The following ITGAE variants were observed in gnomAD, a reference collection of about 807,000 sequenced individuals.
ITGAE encodes integrin subunit alpha E.
In ITGAE, 99 loss-of-function variants were observed where a neutral mutation model predicts 136.5. The observed-to-expected ratio is 0.73, with a 90% CI of 0.62 to 0.86. The LOEUF (loss-of-function observed/expected upper bound fraction) is 0.86. ITGAE is among the 40% of genes least tolerant of loss of function. The probability of loss-of-function intolerance (pLI) is 0.00; values close to 1 mark genes in which losing one functional copy is unlikely to be tolerated. For missense variants in ITGAE, 1,447 were observed against 1,515.3 expected (o/e 0.95, Z 0.75); for synonymous variants, 613 against 591.8 (o/e 1.04, Z -0.52).
intron 26 of ITGAE, chr17:3,724,542 A>C: frequency 6.2e-7 from 1 of 1,614,026 alleles, no homozygotes; most frequent in South Asian, 1.1e-5. Context: ...AGCCGTCCCG[A>C]GCGGCCTCCA....
intron 8 of ITGAE, 136 bp from the exon 9 acceptor site, chr17:3,757,995 ATGC>A: frequency 9.9e-7 from 1 of 1,011,314 alleles, no homozygotes; most frequent in Non-Finnish European, 1.5e-6. Context: ...GAAGGGGGTG[ATGC>A]CCCCTTAAGT....
At chr17:3,720,189 C>A (rs2051020791) in intron 29 of ITGAE, 118 bp downstream of exon 29, 1 of 599,294 alleles carries the variant, frequency 1.7e-6, no homozygotes, top group Non-Finnish European at 3.0e-6. Context: ...GATGGCAGAG[C>A]CAAGATCAGA....
intron 1 of ITGAE, 100 bp downstream of exon 1, chr17:3,801,011 G>A: frequency 1.5e-6 from 2 of 1,375,810 alleles, no homozygotes; most frequent in Non-Finnish European, 2.1e-6. Flanking sequence ...GGCTCTAACT[G>A]AGCCCCATCA....
intron 1 of ITGAE, among the ~76,000 whole-genome samples, chr17:3,789,205 C>T (rs1453897768): frequency 6.6e-6 from 1 of 152,022 alleles, no homozygotes; most frequent in African/African-American, 2.4e-5. Context: ...CTTGATCACA[C>T]CACAGCACTC....
At position 3,743,520 on chromosome 17, in the gene ITGAE, T is replaced by G. The variant is rs1331382489; in HGVS notation, c.2417A>C (p.Asp806Ala). Residue 806 changes from aspartate to alanine, a missense_variant, in exon 19 of 31, where the codon GAC (aspartate) becomes GCC (alanine). By Grantham distance (126) the Asp-to-Ala change is moderately radical. Coordinates refer to ENST00000263087, the MANE Select transcript of ITGAE (RefSeq NM_002208.5). Reference sequence around the variant, plus strand: ...GATGGCAAAGGGCTCAGTGTAGCGGTCCAGGATGGGCTGGGGATGGTCCGT... The same window carrying G: ...GATGGCAAAGGGCTCAGTGTAGCGGGCCAGGATGGGCTGGGGATGGTCCGT... ...GQTDHPQPIL[D>A]RYTEPFAIFQ... The G allele has an allele frequency of 3.1e-6, 5 of 1,610,224 alleles. No individual in the cohort carries two copies. Among genetic ancestry groups the G allele is most frequent in the African/African-American group, 1.3e-5 (1 of 74,532 alleles).
chr17:3,715,059 C>T, intron 30 of ITGAE, 117 bp from the exon 31 acceptor site: 1 of 632,706 alleles, frequency 1.6e-6, no homozygotes, highest in East Asian at 2.7e-5. Context: ...CTCATACTTA[C>T]TACTCCCTTC....
intron 1 of ITGAE, among the ~76,000 whole-genome samples, chr17:3,796,002 C>CAT (rs2053073972): frequency 1.5e-5 from 1 of 65,754 alleles, no homozygotes; most frequent in African/African-American, 6.6e-5. Context: ...TGTGTGCATC[C>CAT]GTGTGTGCAT....
At chr17:3,783,551 A>T (rs2052712433) in intron 1 of ITGAE, among the ~76,000 whole-genome samples, 1 of 152,238 alleles carries the variant, frequency 6.6e-6, no homozygotes, top group Admixed American at 6.5e-5. Context: ...GTTTTTATTT[A>T]TCTAAACTTG....
At chr17:3,784,001 C>T (rs2052721933) in intron 1 of ITGAE, among the ~76,000 whole-genome samples, 1 of 152,370 alleles carries the variant, frequency 6.6e-6, no homozygotes, top group South Asian at 2.1e-4. Context: ...CGGCTCACGC[C>T]TGTAATCCCA....
At chr17:3,729,289 G>A in intron 24 of ITGAE, 189 bp downstream of exon 24, 1 of 580,294 alleles carries the variant, frequency 1.7e-6, no homozygotes, top group Non-Finnish European at 3.1e-6. Flanking sequence ...GATGACCACA[G>A]TGGGGTTTCT....
chr17:3,738,022 T>TGGTCCTGAAAGTCTTCAAC (rs2051498684), intron 20 of ITGAE, among the ~76,000 whole-genome samples: 2 of 152,054 alleles, frequency 1.3e-5, no homozygotes, highest in Admixed American at 1.3e-4. Context: ...AAGTCTTCAA[T>TGGTCCTGAAAGTCTTCAAC]TGGTCCTGCA....
chr17:3,725,961 A>G (rs766975600), intron 26 of ITGAE: 24 of 1,613,634 alleles, frequency 1.5e-5, no homozygotes. Context: ...GAGCAGCACT[A>G]TCCCCAGCTG....
chr17:3,754,046 AG>A, intron 12 of ITGAE, 121 bp from the exon 13 acceptor site: 1 of 1,104,542 alleles, frequency 9.1e-7, no homozygotes, highest in Non-Finnish European at 1.3e-6. Flanking sequence ...AAAATAGGAG[AG>A]ACTGTCTTTC....
chr17:3,730,574 G>A (rs1214249031), intron 23 of ITGAE: 1 of 153,228 alleles, frequency 6.5e-6, no homozygotes, highest in Non-Finnish European at 1.5e-5. Context: ...CCACACTATT[G>A]ACGTTTTGGG....
intron 21 of ITGAE, among the ~76,000 whole-genome samples, chr17:3,733,274 G>GCACCCATCCAAAAACTACACTATT (rs2051388860): frequency 6.6e-6 from 1 of 151,404 alleles, no homozygotes; most frequent in Non-Finnish European, 1.5e-5. Flanking sequence ...CGTGAGCCAC[G>GCACCCATCCAAAAACTACACTATT]GTGCCCGGCC....
intron 2 of ITGAE, among the ~76,000 whole-genome samples, chr17:3,774,150 ACC>A (rs1244323486): frequency 1.3e-5 from 2 of 149,266 alleles, no homozygotes; most frequent in Non-Finnish European, 3.0e-5. Context: ...CCAGCCAGGA[ACC>A]CTGGCTCCTC....
intron 1 of ITGAE, among the ~76,000 whole-genome samples, chr17:3,780,453 G>A (rs547206373): frequency 4.6e-5 from 7 of 151,766 alleles, no homozygotes; most frequent in South Asian, 4.2e-4. Context: ...GTGAGCCACC[G>A]CGCCTGGCCT....
intron 26 of ITGAE, 126 bp from the exon 27 acceptor site, chr17:3,723,870 G>C: frequency 4.0e-6 from 6 of 1,516,568 alleles, no homozygotes; most frequent in Non-Finnish European, 5.3e-6. Flanking sequence ...CGCGGCAGGC[G>C]GGCGCGTCCG....
chr17:3,796,654 C>G (rs887656551), intron 1 of ITGAE, among the ~76,000 whole-genome samples: 18 of 152,006 alleles, frequency 1.2e-4, no homozygotes, highest in African/African-American at 3.9e-4. Context: ...TGTCTGTCAC[C>G]ACACTACCCA....
Sources: allele counts gnomAD v4.1 joint callset (sites outside exome capture counted in the v4.1 genomes callset), GRCh38; gene constraint gnomAD v4.1.1; transcripts MANE v1.5; gene names NCBI Gene and HGNC (gene_info 2026-07-23, HGNC 2026-07-21).